The following LOXL2 variants were observed in gnomAD, a reference collection of about 807,000 sequenced individuals.
LOXL2 encodes lysyl oxidase like 2.
In LOXL2, 70 loss-of-function variants were observed where a neutral mutation model predicts 93.0. That is an observed-to-expected ratio of 0.75 (90% CI 0.62 to 0.92). The LOEUF is 0.92. Among genes scored for constraint, LOXL2 ranks in the 40% least tolerant of loss-of-function variants. LOXL2 has a pLI of 0.00. For synonymous variants in LOXL2, 438 were observed against 413.2 expected, an observed-to-expected ratio of 1.06 and a Z score of -0.73; for missense variants, 973 against 1,054.9, an observed-to-expected ratio of 0.92 and a Z score of 1.08.
At chr8:23,372,990 TA>T (rs1380913466) in intron 1 of LOXL2, among the ~76,000 whole-genome samples, 1 of 152,180 alleles carries the variant, frequency 6.6e-6, no homozygotes, top group East Asian at 1.9e-4. Context: ...ATTAAGATAT[TA>T]AGATACAATG....
intron 3 of LOXL2, among the ~76,000 whole-genome samples, chr8:23,352,862 G>A (rs371968411): frequency 2.0e-5 from 3 of 152,044 alleles, no homozygotes; most frequent in Non-Finnish European, 2.9e-5. Flanking sequence ...TTTCACAAAC[G>A]GGAAACTGAG....
chr8:23,302,131 C>T lies in LOXL2; in HGVS notation c.2029G>A (p.Gly677Ser), dbSNP rs547052634. 1.5e-5 allele frequency: 24 copies of T among 1,613,984 alleles called. No individual in the cohort carries two copies. The highest frequency in any genetic ancestry group is 3.3e-5 in the South Asian group (3 of 91,090). ...IQKNYECANF[G>S]DQGITMGCWD... ...CAGCCCATGGTGATGCCCTGATCGCCGAAGTTGGCACACTCGTAATTCTTC... is the reference window on the plus strand; with the variant it reads ...CAGCCCATGGTGATGCCCTGATCGCTGAAGTTGGCACACTCGTAATTCTTC... Residue 677 changes from glycine to serine, a missense_variant, in exon 12 of 14, where the codon GGC (glycine) becomes AGC (serine). Transcript: ENST00000389131.
intron 1 of LOXL2, chr8:23,371,027 G>A (rs1804484801): frequency 6.6e-6 from 1 of 152,236 alleles, no homozygotes; most frequent in Non-Finnish European, 1.5e-5. Context: ...CTGCAGAGAA[G>A]ACAAGATAGA....
chr8:23,391,308 G>A (rs1387114511), intron 1 of LOXL2, among the ~76,000 whole-genome samples: 1 of 152,148 alleles, frequency 6.6e-6, no homozygotes, highest in East Asian at 1.9e-4. Flanking sequence ...GGAAAAACAT[G>A]GCCAGCATCT....
At chr8:23,337,272 T>C (rs933468016) in intron 4 of LOXL2, 3 of 152,834 alleles carry the variant, frequency 2.0e-5, no homozygotes, top group African/African-American at 7.2e-5. Flanking sequence ...CTGGAGCCAA[T>C]TACTCCGGTC....
At position 23,297,661 on chromosome 8, in the gene LOXL2, A is replaced by G. The variant is rs1035465312; in HGVS notation, c.*382T>C. On this transcript the variant is annotated 3_prime_UTR_variant, in exon 14 of 14. Coordinates refer to ENST00000389131, the MANE Select transcript of LOXL2 (RefSeq NM_002318.3). The stretch of plus-strand genomic sequence containing the variant: ...TCTCTGGGGGGGCTGATGAGCCCGC[A>G]TTTGTCCACGTGTCACTGGAGAAGA... The G allele has an allele frequency of 5.4e-6, 1 of 186,700 alleles. No individual in the cohort carries two copies. The highest frequency in any genetic ancestry group is 1.1e-5 in the Non-Finnish European group (1 of 90,294). The allele number at this position is 186,700 out of a possible 1,614,324, so 11.6% of individuals were successfully genotyped here.
Position 23,309,907 on chromosome 8 carries a change from G to A in LOXL2, c.1641C>T (p.Ala547=), listed in dbSNP as rs1029969374. 2.0e-6 allele frequency: 3 copies of A among 1,485,444 alleles called. No individual in the cohort carries two copies. The highest frequency in any genetic ancestry group is 2.8e-5 in the African/African-American group (2 of 70,280). The allele number at this position is 1,485,444 out of a possible 1,614,324, so 92.0% of individuals were successfully genotyped here. A position where few individuals can be genotyped will look rare whatever the true frequency, so the allele number is the denominator to read the frequency against. ...YGAGVACSET[A]PDLVLNAEMV... Reference sequence around the variant, plus strand: ...TCTCCGCATTGAGGACCAGGTCAGGGGCGGCTGCGGAGGATGGCATGCTGG... The same window carrying A: ...TCTCCGCATTGAGGACCAGGTCAGGAGCGGCTGCGGAGGATGGCATGCTGG... Residue 547 remains alanine (A), a synonymous_variant, in exon 10 of 14, where the codon GCC becomes GCT. Transcript: ENST00000389131.
At chr8:23,311,296 G>A (rs1011629227) in intron 9 of LOXL2, among the ~76,000 whole-genome samples, 2 of 152,254 alleles carry the variant, frequency 1.3e-5, no homozygotes, top group Non-Finnish European at 2.9e-5. Flanking sequence ...GAACCAAAGG[G>A]TAGGGAAAAG....
At chr8:23,323,452 GC>G (rs1803529564) in intron 6 of LOXL2, among the ~76,000 whole-genome samples, 1 of 152,226 alleles carries the variant, frequency 6.6e-6, no homozygotes, top group South Asian at 2.1e-4. Context: ...CTAAGGAGAA[GC>G]CTGCCTTGAA....
intron 10 of LOXL2, among the ~76,000 whole-genome samples, chr8:23,307,970 A>AAAAAAAAAAAAAAC (rs1393672315): frequency 6.6e-6 from 1 of 150,824 alleles, no homozygotes; most frequent in Non-Finnish European, 1.5e-5. Flanking sequence ...AAAAAAAAAA[A>AAAAAAAAAAAAAAC]AAAGCCAAAG....
At chr8:23,302,818 A>C (rs977926759) in intron 11 of LOXL2, among the ~76,000 whole-genome samples, 3 of 152,046 alleles carry the variant, frequency 2.0e-5, no homozygotes, top group Non-Finnish European at 2.9e-5. Flanking sequence ...GACCTACCAG[A>C]AGTGTGAGCA....
At chr8:23,298,253 G>T (rs1803071703) in intron 13 of LOXL2, 131 bp from the exon 14 acceptor site, 6 of 655,772 alleles carry the variant, frequency 9.1e-6, no homozygotes, top group South Asian at 1.8e-5. Context: ...AAGGACAGGT[G>T]CCAGGCACTG....
chr8:23,316,923 T>A, intron 9 of LOXL2, 26 bp downstream of exon 9: 1 of 1,554,528 alleles, frequency 6.4e-7, no homozygotes, highest in Non-Finnish European at 8.7e-7. Flanking sequence ...GGGAGCCCGG[T>A]GGGGAGGGAG....
intron 1 of LOXL2, among the ~76,000 whole-genome samples, chr8:23,385,235 AT>A (rs1327196971): frequency 1.5e-5 from 2 of 137,546 alleles, no homozygotes; most frequent in South Asian, 2.3e-4. Flanking sequence ...AGAAAGTTGG[AT>A]TTTTTTTCTT....
At chr8:23,353,062 G>A (rs920836964) in intron 3 of LOXL2, among the ~76,000 whole-genome samples, 1 of 151,910 alleles carries the variant, frequency 6.6e-6, no homozygotes, top group African/African-American at 2.4e-5. Flanking sequence ...GAAGAAAAGA[G>A]AAAAGATGAA....
At chr8:23,387,263 T>C (rs1404686007) in intron 1 of LOXL2, among the ~76,000 whole-genome samples, 1 of 152,222 alleles carries the variant, frequency 6.6e-6, no homozygotes, top group East Asian at 1.9e-4. Flanking sequence ...TTCACACAGA[T>C]GATTCTAGTA....
At chr8:23,373,698 G>A (rs2117218863) in intron 1 of LOXL2, among the ~76,000 whole-genome samples, 2 of 152,160 alleles carry the variant, frequency 1.3e-5, no homozygotes, top group Admixed American at 1.3e-4. Context: ...TATTATCCTT[G>A]GGAGGAAACT....
chr8:23,297,725 G>GTCATTAA lies in LOXL2; in HGVS notation c.*317_*318insTTAATGA. 1 of 227,458 alleles carries GTCATTAA rather than the reference G, an allele frequency of 4.4e-6. No homozygotes were observed. Among genetic ancestry groups the GTCATTAA allele is most frequent in the African/African-American group, 2.4e-5 (1 of 41,478 alleles). The allele number at this position is 227,458 out of a possible 1,614,324, so 14.1% of individuals were successfully genotyped here. ...GTGTCTGTGGTGAGCTCGGTGGCTT[G>GTCATTAA]AATGGGACAAGCTGATGACAACCTG... is the stretch of plus-strand genomic sequence containing the variant. On this transcript the variant is annotated 3_prime_UTR_variant, in exon 14 of 14. Coordinates refer to ENST00000389131, the MANE Select transcript of LOXL2 (RefSeq NM_002318.3).
chr8:23,401,390 TA>T lies in LOXL2; in HGVS notation c.-84+2563del, dbSNP rs1266957065. ...CTATTTGGCATTAGATGATACCAAA[TA>T]TTTTTTTTTTAGTTTTCTTAGGTCT... is the stretch of plus-strand genomic sequence containing the variant. On this transcript the variant is annotated intron_variant, in intron 1 of 13. Transcript: ENST00000389131. Among the ~76,000 whole-genome samples the T allele has an allele frequency of 5.3e-5, 8 of 152,158 alleles. No individual in the cohort carries two copies. The South Asian group carries it at 6.2e-4, about 12-fold the overall frequency.
Sources: allele counts gnomAD v4.1 joint callset (sites outside exome capture counted in the v4.1 genomes callset), GRCh38; gene constraint gnomAD v4.1.1; transcripts MANE v1.5; gene names NCBI Gene and HGNC (gene_info 2026-07-23, HGNC 2026-07-21).